Variants in IQCJ observed in about 807,000 individuals in gnomAD.
IQCJ encodes the protein IQ motif containing J.
In IQCJ, 9 loss-of-function variants were observed where a neutral mutation model predicts 11.0. The ratio of observed to expected loss-of-function variants is 0.82; its 90% CI spans 0.49 to 1.43. The LOEUF is 1.43. IQCJ is among the 40% of genes most tolerant of loss of function. IQCJ has a pLI of 0.00. For missense variants in IQCJ, 146 were observed against 133.2 expected (o/e 1.10, Z -0.47); for synonymous variants, 55 against 51.3 (o/e 1.07, Z -0.31).
chr3:159,217,087 C>T (rs1443162284), intron 1 of IQCJ, among the ~76,000 whole-genome samples: 9 of 152,072 alleles, frequency 5.9e-5, no homozygotes. Context: ...AGTCTTATCC[C>T]TGGCTGCACA....
At chr3:159,080,593 G>A (rs548224150) in intron 1 of IQCJ, among the ~76,000 whole-genome samples, 1 of 152,280 alleles carries the variant, frequency 6.6e-6, no homozygotes, top group South Asian at 2.1e-4. Flanking sequence ...TTAATTAGGG[G>A]AAGAGAAACT....
chr3:159,234,620 C>T (rs115695122), intron 1 of IQCJ, among the ~76,000 whole-genome samples: 2,498 of 152,144 alleles, frequency 0.016, 47 homozygotes, highest in African/African-American at 0.051. Context: ...CCTGTATAAC[C>T]CTGTCTCTAC....
intron 1 of IQCJ, among the ~76,000 whole-genome samples, chr3:159,170,365 C>A (rs1293324074): frequency 6.6e-6 from 1 of 152,108 alleles, no homozygotes; most frequent in Non-Finnish European, 1.5e-5. Flanking sequence ...ACAATATCAA[C>A]ACCCCCCAAC....
At chr3:159,178,572 A>G (rs528818993) in intron 1 of IQCJ, among the ~76,000 whole-genome samples, 12 of 152,248 alleles carry the variant, frequency 7.9e-5, no homozygotes, top group African/African-American at 2.9e-4. Flanking sequence ...CTATACCAAC[A>G]CTGTTTTTCT....
chr3:159,151,595 A>C (rs1419831752), intron 1 of IQCJ, among the ~76,000 whole-genome samples: 2 of 152,144 alleles, frequency 1.3e-5, no homozygotes, highest in Non-Finnish European at 1.5e-5. Context: ...TTTCCTTCCC[A>C]AAAAACAAAA....
chr3:159,227,173 A>C (rs1428258031), intron 1 of IQCJ, among the ~76,000 whole-genome samples: 3 of 152,236 alleles, frequency 2.0e-5, no homozygotes, highest in African/African-American at 7.2e-5. Flanking sequence ...TTTTGATAGC[A>C]ACGAACAAAG....
At chr3:159,116,614 G>GTATATATATATATA (rs57810703) in intron 1 of IQCJ, among the ~76,000 whole-genome samples, 1 of 57,706 alleles carries the variant, frequency 1.7e-5, no homozygotes, top group African/African-American at 5.8e-5. Context: ...CTGCTCATAT[G>GTATATATATATATA]TATATATATA....
rs538825876 is a variant in IQCJ at position 159,086,576 on chromosome 3, A to C, written c.9+17135A>C. On this transcript the variant is annotated intron_variant, in intron 1 of 3. Coordinates refer to ENST00000397832, the MANE Select transcript of IQCJ (RefSeq NM_001042706.3). Reference sequence around the variant, plus strand: ...ATGGAATATTCTTCCATTTGTTTGTATCCTCTTTTATTTCCTTGAGCAGTG... The same window carrying C: ...ATGGAATATTCTTCCATTTGTTTGTCTCCTCTTTTATTTCCTTGAGCAGTG... Among the ~76,000 whole-genome samples, 208 of 152,016 alleles carry C rather than the reference A, an allele frequency of 1.4e-3. 1 individual carries two copies. Among genetic ancestry groups the C allele is most frequent in the African/African-American group, 4.5e-3 (185 of 41,470 alleles).
At chr3:159,208,173 CAGATGAT>C (rs1724761693) in intron 1 of IQCJ, among the ~76,000 whole-genome samples, 1 of 152,184 alleles carries the variant, frequency 6.6e-6, no homozygotes, top group Admixed American at 6.5e-5. Context: ...GAGCTCCTGA[CAGATGAT>C]AGAAAGGGCC....
chr3:159,168,708 A>G (rs971104354), intron 1 of IQCJ, among the ~76,000 whole-genome samples: 5 of 152,152 alleles, frequency 3.3e-5, no homozygotes, highest in Non-Finnish European at 7.4e-5. Context: ...AACAGTGATG[A>G]TGAGTACTAG....
chr3:159,075,387 A>G (rs912503256), intron 1 of IQCJ, among the ~76,000 whole-genome samples: 6 of 152,150 alleles, frequency 3.9e-5, no homozygotes, highest in Non-Finnish European at 7.4e-5. Context: ...ATCTGACTGA[A>G]TAACTGCCTA....
At chr3:159,150,583 AACACACACAC>A (rs373030886) in intron 1 of IQCJ, among the ~76,000 whole-genome samples, 6 of 146,094 alleles carry the variant, frequency 4.1e-5, no homozygotes, top group African/African-American at 1.5e-4. Context: ...CATTGTCCCC[AACACACACAC>A]ACACACACAC....
intron 1 of IQCJ, among the ~76,000 whole-genome samples, chr3:159,203,421 G>A (rs1386070604): frequency 6.6e-6 from 1 of 151,588 alleles, no homozygotes; most frequent in East Asian, 1.9e-4. Context: ...CTGGTTTAGT[G>A]TGTGCTCCTT....
intron 1 of IQCJ, among the ~76,000 whole-genome samples, chr3:159,173,685 A>G (rs1722621102): frequency 6.6e-6 from 1 of 152,194 alleles, no homozygotes; most frequent in African/African-American, 2.4e-5. Flanking sequence ...TGCTGCAGCG[A>G]AGTTTGCTGC....
At chr3:159,087,132 T>G (rs1271489275) in intron 1 of IQCJ, among the ~76,000 whole-genome samples, 4 of 152,224 alleles carry the variant, frequency 2.6e-5, no homozygotes, top group Admixed American at 6.5e-5. Context: ...CATGAAGGGT[T>G]GTTGAATTTT....
chr3:159,220,488 C>T (rs1183142069), intron 1 of IQCJ, among the ~76,000 whole-genome samples: 1 of 152,084 alleles, frequency 6.6e-6, no homozygotes, highest in Non-Finnish European at 1.5e-5. Flanking sequence ...CAGAAGAAAC[C>T]GGTCCTGTAC....
At chr3:159,247,296 C>T (rs955850853) in intron 2 of IQCJ, among the ~76,000 whole-genome samples, 2 of 152,036 alleles carry the variant, frequency 1.3e-5, no homozygotes, top group Non-Finnish European at 2.9e-5. Context: ...AGGGCTTCAC[C>T]GTGTTGCCAG....
chr3:159,095,264 G>A (rs61796004), intron 1 of IQCJ, among the ~76,000 whole-genome samples: 28,786 of 151,756 alleles, frequency 0.19, 3,467 homozygotes, highest in South Asian at 0.35. Context: ...AATAGTAAAT[G>A]TGTATAGACA....
intron 1 of IQCJ, among the ~76,000 whole-genome samples, chr3:159,225,790 G>A (rs1432719376): frequency 5.9e-5 from 9 of 151,964 alleles, no homozygotes; most frequent in South Asian, 2.1e-4. Context: ...GATACCACAA[G>A]TTAAAGGGCT....
Sources: gnomAD v4.1 joint callset for allele counts (sites outside exome capture counted in the v4.1 genomes callset) on GRCh38, gnomAD v4.1.1 for gene constraint, MANE v1.5 for transcripts, NCBI Gene and HGNC (gene_info 2026-07-23, HGNC 2026-07-21) for gene names.